The following TRAF3IP1 variants were observed in gnomAD, a reference collection of about 807,000 sequenced individuals.
TRAF3IP1 encodes the protein TRAF3-interacting protein 1.
Under a neutral mutation model 89.9 loss-of-function variants are expected in TRAF3IP1, and 53 were observed. That is an observed-to-expected ratio of 0.59 (90% CI 0.47 to 0.74). The LOEUF is 0.74. Ranked by LOEUF, TRAF3IP1 falls within the 30% of genes least tolerant of loss-of-function variation. The probability of loss-of-function intolerance (pLI) is 0.00; values close to 1 mark genes in which losing one functional copy is unlikely to be tolerated. For missense variants in TRAF3IP1, 806 were observed against 866.1 expected (o/e 0.93, Z 0.87); for synonymous variants, 311 against 322.1 (o/e 0.97, Z 0.37).
intron 15 of TRAF3IP1, among the ~76,000 whole-genome samples, chr2:238,387,502 A>C (rs779568496): frequency 5.3e-5 from 8 of 152,260 alleles, no homozygotes; most frequent in Non-Finnish European, 8.8e-5. Flanking sequence ...TTCTAAAACT[A>C]TATGAAAACG....
chr2:238,384,066 G>A (rs1700655567), intron 15 of TRAF3IP1, among the ~76,000 whole-genome samples: 1 of 151,864 alleles, frequency 6.6e-6, no homozygotes, highest in Non-Finnish European at 1.5e-5. Context: ...GGTCTTGCAG[G>A]GCCCCCCCCA....
chr2:238,376,332 C>T (rs1308322995), intron 15 of TRAF3IP1, among the ~76,000 whole-genome samples: 3 of 152,144 alleles, frequency 2.0e-5, no homozygotes, highest in Admixed American at 1.3e-4. Flanking sequence ...AGGTGGTGGG[C>T]CGGTCCACAG....
At chr2:238,356,906 G>A (rs376249583) in intron 15 of TRAF3IP1, among the ~76,000 whole-genome samples, 1 of 151,786 alleles carries the variant, frequency 6.6e-6, no homozygotes. Flanking sequence ...AGCCTCCCGT[G>A]TAGCTGGGAC....
At chr2:238,393,029 T>C (rs1701061896) in intron 15 of TRAF3IP1, among the ~76,000 whole-genome samples, 1 of 152,258 alleles carries the variant, frequency 6.6e-6, no homozygotes. Context: ...GGTTTTTCTA[T>C]AAACATGAAT....
At chr2:238,323,093 T>TG (rs1164237486) in intron 1 of TRAF3IP1, among the ~76,000 whole-genome samples, 1 of 151,952 alleles carries the variant, frequency 6.6e-6, no homozygotes, top group Non-Finnish European at 1.5e-5. Context: ...TTTTTTTTTT[T>TG]TTTTAGAGGG....
At chr2:238,362,629 A>G (rs1699711035) in intron 15 of TRAF3IP1, among the ~76,000 whole-genome samples, 1 of 152,194 alleles carries the variant, frequency 6.6e-6, no homozygotes, top group Non-Finnish European at 1.5e-5. Flanking sequence ...CAGCACTTCC[A>G]CTTATATTAT....
intron 15 of TRAF3IP1, among the ~76,000 whole-genome samples, chr2:238,376,283 T>TA (rs1700312650): frequency 6.6e-6 from 1 of 152,164 alleles, no homozygotes; most frequent in African/African-American, 2.4e-5. Flanking sequence ...TATTTATAAA[T>TA]AAAAAATCAT....
In TRAF3IP1 at chr2:238,362,151, G is replaced by A. The variant is rs138785829; in HGVS notation, c.1689+6071G>A. Among the ~76,000 whole-genome samples the A allele has an allele frequency of 1.9e-3, 282 of 152,166 alleles. 3 individuals are homozygous for A. Among genetic ancestry groups the A allele is most frequent in the African/African-American group, 6.5e-3 (270 of 41,518 alleles). On this transcript the variant is annotated intron_variant, in intron 15 of 16. Coordinates refer to ENST00000373327, the MANE Select transcript of TRAF3IP1 (RefSeq NM_015650.4). Reference sequence around the variant, plus strand: ...ACTCTCCTCTGGCGCCCCTCCTGCCGGGCCAGTCCCCCTTCTCTCTGTCCT... The same window carrying A: ...ACTCTCCTCTGGCGCCCCTCCTGCCAGGCCAGTCCCCCTTCTCTCTGTCCT...
At chr2:238,367,163 CA>C (rs33964253) in intron 15 of TRAF3IP1, among the ~76,000 whole-genome samples, 1,586 of 35,898 alleles carry the variant, frequency 0.044, 1 homozygote, top group Non-Finnish European at 0.058. Flanking sequence ...GACTCTGTCT[CA>C]AAAAAAAAAA....
intron 10 of TRAF3IP1, among the ~76,000 whole-genome samples, 168 bp from the exon 11 acceptor site, chr2:238,348,596 G>C (rs114340359): frequency 1.3e-5 from 2 of 152,108 alleles, no homozygotes; most frequent in Non-Finnish European, 2.9e-5. Flanking sequence ...ATCAGACATC[G>C]ATTTTCTCTT....
chr2:238,353,156 C>G lies in TRAF3IP1; in HGVS notation c.1576-17C>G, dbSNP rs1488669026. On this transcript the variant is annotated splice_polypyrimidine_tract_variant and intron_variant, in intron 13 of 16. Coordinates refer to ENST00000373327, the MANE Select transcript of TRAF3IP1 (RefSeq NM_015650.4). Reference sequence around the variant, plus strand: ...ACAAGCCTGAATCTTCTTTTTCCCCCTTCCTTTCCTGCTCAGGTAACAGCA... The same window carrying G: ...ACAAGCCTGAATCTTCTTTTTCCCCGTTCCTTTCCTGCTCAGGTAACAGCA... The G allele has an allele frequency of 6.2e-7, 1 of 1,613,956 alleles. No individual in the cohort carries two copies. Among genetic ancestry groups the G allele is most frequent in the Non-Finnish European group, 8.5e-7 (1 of 1,179,980 alleles).
intron 15 of TRAF3IP1, among the ~76,000 whole-genome samples, chr2:238,358,526 C>G (rs947722690): frequency 1.3e-5 from 2 of 152,092 alleles, no homozygotes; most frequent in Non-Finnish European, 2.9e-5. Context: ...ACAGAGCAAG[C>G]CTGTCTCAAA....
intron 13 of TRAF3IP1, 72 bp downstream of exon 13, chr2:238,353,022 T>C: frequency 6.5e-7 from 1 of 1,527,364 alleles, no homozygotes; most frequent in African/African-American, 1.4e-5. Flanking sequence ...GTCTAGCTTT[T>C]AGATTTATGT....
intron 15 of TRAF3IP1, among the ~76,000 whole-genome samples, chr2:238,392,289 A>G (rs1284558637): frequency 1.3e-5 from 2 of 152,212 alleles, no homozygotes; most frequent in Non-Finnish European, 2.9e-5. Context: ...TTACAGAACC[A>G]TAGTACATTG....
chr2:238,377,554 G>C (rs1004178303), intron 15 of TRAF3IP1, among the ~76,000 whole-genome samples: 12 of 151,938 alleles, frequency 7.9e-5, no homozygotes, highest in African/African-American at 2.9e-4. Flanking sequence ...ACATTCCTTG[G>C]ATCAAATCAA....
chr2:238,324,393 G>A (rs113475185), intron 1 of TRAF3IP1, among the ~76,000 whole-genome samples: 1,763 of 152,100 alleles, frequency 0.012, 21 homozygotes, highest in Non-Finnish European at 0.017. Context: ...TTTGGAATCT[G>A]TTCCCTCCAT....
chr2:238,356,833 C>CA lies in TRAF3IP1; in HGVS notation c.1689+754dup, dbSNP rs1699433900. Reference sequence around the variant, plus strand: ...TCGCTCTGTCGCCCAGGCTGGAGAGCAGTGGCATGATCTCGGCTCACTGCA... The same window carrying CA: ...TCGCTCTGTCGCCCAGGCTGGAGAGCAAGTGGCATGATCTCGGCTCACTGCA... On this transcript the variant is annotated intron_variant, in intron 15 of 16. Coordinates refer to ENST00000373327, the MANE Select transcript of TRAF3IP1 (RefSeq NM_015650.4). 2.0e-5 allele frequency among the ~76,000 whole-genome samples: 3 copies of CA among 150,002 alleles called. No homozygotes were observed. The South Asian group carries it at 6.3e-4, about 31-fold the overall frequency.
intron 15 of TRAF3IP1, among the ~76,000 whole-genome samples, chr2:238,366,991 A>G (rs568735176): frequency 3.3e-5 from 5 of 151,856 alleles, no homozygotes; most frequent in Admixed American, 3.3e-4. Context: ...GTGAAACCCC[A>G]TCTCTACTAA....
chr2:238,344,564 G>T lies in TRAF3IP1; in HGVS notation c.1227G>T (p.Glu409Asp). The change falls in exon 9 of 17, where the codon GAG becomes GAT. Residue 409 changes from glutamate to aspartate, a missense_variant. This residue lies in a region of TRAF3IP1 where 732 missense variants were observed against 780.5 expected (regional missense o/e 0.94). Coordinates refer to ENST00000373327, the MANE Select transcript of TRAF3IP1 (RefSeq NM_015650.4). ...ATAATTCAGCTAGTCTGCGGTGTGA[G>T]AATATTCAGCCCAACCCCACAGAGA... Reference protein sequence around the residue: ...SDDNSASLRCENIQPNPTEKQ... With the variant: ...SDDNSASLRCDNIQPNPTEKQ... 1 of 1,614,202 alleles carries T rather than the reference G, an allele frequency of 6.2e-7. No individual in the cohort carries two copies.
Sources: gnomAD v4.1 joint callset for allele counts (sites outside exome capture counted in the v4.1 genomes callset) on GRCh38, gnomAD v4.1.1 for gene constraint, gnomAD v4.1.1 regional missense constraint, MANE v1.5 for transcripts, NCBI Gene and HGNC (gene_info 2026-07-23, HGNC 2026-07-21) for gene names.